The following CCPG1 variants were observed in gnomAD, a reference collection of about 807,000 sequenced individuals.
CCPG1 encodes cell cycle progression 1, also known as cell cycle progression protein 1.
CCPG1 carries 46 observed loss-of-function variants against 81.3 expected under a neutral mutation model. The ratio of observed to expected loss-of-function variants is 0.57; its 90% confidence interval spans 0.45 to 0.72. The LOEUF (loss-of-function observed/expected upper bound fraction) is 0.72. Ranked by LOEUF, CCPG1 falls within the 30% of genes least tolerant of loss-of-function variation. CCPG1 has a pLI of 0.00. For synonymous variants in CCPG1, 330 were observed against 305.2 expected, an observed-to-expected ratio of 1.08 and a Z score of -0.85; for missense variants, 902 against 937.6, an observed-to-expected ratio of 0.96 and a Z score of 0.50.
intron 4 of CCPG1, among the ~76,000 whole-genome samples, chr15:55,377,845 A>G (rs962865662): frequency 2.4e-4 from 36 of 152,352 alleles, no homozygotes; most frequent in African/African-American, 7.9e-4. Flanking sequence ...CCCAGCCTCT[A>G]TAATTGTGAG....
intron 1 of CCPG1, among the ~76,000 whole-genome samples, chr15:55,403,945 T>A (rs576999731): frequency 6.6e-6 from 1 of 152,370 alleles, no homozygotes; most frequent in African/African-American, 2.4e-5. Flanking sequence ...CATATGCACC[T>A]AATTTTTAAA....
intron 1 of CCPG1, among the ~76,000 whole-genome samples, chr15:55,391,887 A>AAAAG (rs1555409781): frequency 1.2e-3 from 53 of 44,736 alleles, no homozygotes; most frequent in African/African-American, 3.4e-3. Context: ...AAAAAAAAAA[A>AAAAG]GGGGGGGGGG....
intron 5 of CCPG1, chr15:55,372,997 G>C: frequency 1.9e-6 from 1 of 534,680 alleles, no homozygotes. Flanking sequence ...TTACCCTCTA[G>C]TAAATATGTC....
intron 8 of CCPG1, chr15:55,357,512 C>G: frequency 1.2e-6 from 1 of 808,930 alleles, no homozygotes; most frequent in Non-Finnish European, 1.5e-6. Context: ...TACCTGTGGT[C>G]AACTGTGGTC....
chr15:55,399,435 A>C (rs1857592773), intron 1 of CCPG1, among the ~76,000 whole-genome samples: 1 of 151,258 alleles, frequency 6.6e-6, no homozygotes, highest in African/African-American at 2.4e-5. Flanking sequence ...AAAAAAAAAA[A>C]AAAACTAGCC....
chr15:55,392,272 C>T (rs1264399999), intron 1 of CCPG1, among the ~76,000 whole-genome samples: 3 of 139,962 alleles, frequency 2.1e-5, no homozygotes, highest in African/African-American at 5.3e-5. Flanking sequence ...AGTGCAGTGG[C>T]GTCATCTCGG....
intron 6 of CCPG1, among the ~76,000 whole-genome samples, chr15:55,369,445 G>C (rs560193795): frequency 6.6e-6 from 1 of 151,988 alleles, no homozygotes; most frequent in Admixed American, 6.6e-5. Flanking sequence ...TGAGGCAGGA[G>C]AATTGCTTGA....
chr15:55,390,461 C>G (rs1372173639), intron 1 of CCPG1, among the ~76,000 whole-genome samples: 1 of 152,160 alleles, frequency 6.6e-6, no homozygotes, highest in Non-Finnish European at 1.5e-5. Flanking sequence ...CTGATTTATT[C>G]TACATGTGTC....
At chr15:55,374,666 T>C (rs1484463118) in intron 5 of CCPG1, among the ~76,000 whole-genome samples, 1 of 152,202 alleles carries the variant, frequency 6.6e-6, no homozygotes, top group Admixed American at 6.5e-5. Flanking sequence ...GGTCTCCCTC[T>C]ATTGCCCAGG....
rs1488424873 is a variant in CCPG1, at chr15:55,372,046, T to C, written c.455-2A>G. 6.2e-7 allele frequency: 1 copy of C among 1,607,642 alleles called. No homozygotes were observed. Among genetic ancestry groups the C allele is most frequent in the African/African-American group, 1.3e-5 (1 of 74,554 alleles). On this transcript the variant is annotated splice_acceptor_variant, in intron 5 of 8. Transcript: ENST00000442196. LOFTEE classifies it high-confidence loss of function. ...CGTCACTAGGCTGAGATGAAAATAC[T>C]ATTAAGAAAAAAGTTGACATTTAGC... is the stretch of plus-strand genomic sequence containing the variant.
In CCPG1 at chr15:55,372,023, T is replaced by C; in HGVS notation, c.476A>G (p.Asp159Gly). 1 of 1,613,826 alleles carries C rather than the reference T, an allele frequency of 6.2e-7. No individual in the cohort carries two copies. ...GGTTTCATCACTACTTGATTCATCGTCACTAGGCTGAGATGAAAATACTAT... is the reference window on the plus strand; with the variant it reads ...GGTTTCATCACTACTTGATTCATCGCCACTAGGCTGAGATGAAAATACTAT... ...PETVFSSQPS[D>G]DESSSDETSN... The change falls in exon 6 of 9, where the codon GAC becomes GGC. Residue 159 changes from aspartate (D) to glycine (G), a missense_variant. By Grantham distance (94) the Asp-to-Gly change is moderately conservative. Around this residue, in one of 3 missense-constraint regions of CCPG1, gnomAD observed 746 missense variants for 728.6 expected, o/e 1.02. Coordinates refer to ENST00000442196, the MANE Select transcript of CCPG1 (RefSeq NM_001204450.2).
chr15:55,382,711 G>A (rs368653250), intron 3 of CCPG1, among the ~76,000 whole-genome samples: 2 of 152,078 alleles, frequency 1.3e-5, no homozygotes, highest in East Asian at 1.9e-4. Flanking sequence ...GGATTTCACC[G>A]TGTGAGCCAG....
chr15:55,365,433 T>TG, intron 6 of CCPG1, 124 bp from the exon 7 acceptor site: 20 of 547,964 alleles, frequency 3.6e-5, no homozygotes, highest in Admixed American at 4.0e-5. Flanking sequence ...TTTTTTTTTG[T>TG]TTTTTTTTTG....
chr15:55,406,327 C>T (rs143738491), intron 1 of CCPG1, among the ~76,000 whole-genome samples: 1,668 of 147,766 alleles, frequency 0.011, 19 homozygotes, highest in Non-Finnish European at 0.018. Context: ...AAAGTTTTTT[C>T]TACAGAAAAC....
intron 5 of CCPG1, among the ~76,000 whole-genome samples, chr15:55,373,561 G>A (rs2056498055): frequency 6.6e-6 from 1 of 152,064 alleles, no homozygotes; most frequent in South Asian, 2.1e-4. Flanking sequence ...GATCTTTTTG[G>A]TCATGACCCT....
At chr15:55,380,327 CCT>C (rs761854643) in intron 3 of CCPG1, among the ~76,000 whole-genome samples, 4 of 150,794 alleles carry the variant, frequency 2.7e-5, no homozygotes, top group African/African-American at 4.9e-5. Context: ...ACGGAGTCCC[CCT>C]CTGTCGCCCA....
At chr15:55,406,450 GTT>G (rs751788415) in intron 1 of CCPG1, among the ~76,000 whole-genome samples, 2 of 89,068 alleles carry the variant, frequency 2.2e-5, no homozygotes, top group Admixed American at 1.1e-4. Flanking sequence ...TTTTTTTTTT[GTT>G]TTTTTTTTTT....
At chr15:55,399,886 G>A (rs1448834103) in intron 1 of CCPG1, 2 of 152,074 alleles carry the variant, frequency 1.3e-5, no homozygotes, top group Admixed American at 6.6e-5. Context: ...TTGAACTCAC[G>A]AGTTTGAGAC....
At chr15:55,382,711 G>C (rs368653250) in intron 3 of CCPG1, among the ~76,000 whole-genome samples, 2 of 151,960 alleles carry the variant, frequency 1.3e-5, no homozygotes, top group Admixed American at 1.3e-4. Flanking sequence ...GGATTTCACC[G>C]TGTGAGCCAG....
Sources: gnomAD v4.1 joint callset for allele counts (sites outside exome capture counted in the v4.1 genomes callset) on GRCh38, gnomAD v4.1.1 for gene constraint, gnomAD v4.1.1 regional missense constraint, MANE v1.5 for transcripts, NCBI Gene and HGNC (gene_info 2026-07-23, HGNC 2026-07-21) for gene names.